KLKB1: variants seen among roughly 807,000 people sequenced by gnomAD.
KLKB1 encodes the protein plasma kallikrein.
Under a neutral mutation model 73.6 loss-of-function variants are expected in KLKB1, and 58 were observed. That is an observed-to-expected ratio of 0.79 (90% CI 0.64 to 0.98). The LOEUF (loss-of-function observed/expected upper bound fraction) is 0.98, where lower values mean the gene tolerates loss of function less well. KLKB1 is among the 50% of genes least tolerant of loss of function. The probability of loss-of-function intolerance (pLI) is 0.00; values close to 1 mark genes in which losing one functional copy is unlikely to be tolerated. For missense variants in KLKB1, 737 were observed against 763.8 expected, an observed-to-expected ratio of 0.96 and a Z score of 0.41; for synonymous variants, 280 against 258.1, an observed-to-expected ratio of 1.08 and a Z score of -0.81.
upstream of KLKB1, among the ~76,000 whole-genome samples, chr4:186,225,267 A>G (rs902547918): frequency 2.6e-5 from 4 of 152,004 alleles, no homozygotes; most frequent in Non-Finnish European, 4.4e-5. Flanking sequence ...CAGGTTTTGT[A>G]CTTTCAATAC....
Position 186,254,579 on chromosome 4 carries a change from C to A in KLKB1, c.1314-9C>A. ...CAGTTTCAAACAGGTATTTATTTTTCTCTCCTAGGCTTCCCCTGCAGGATG... is the reference window on the plus strand; with the variant it reads ...CAGTTTCAAACAGGTATTTATTTTTATCTCCTAGGCTTCCCCTGCAGGATG... On this transcript the variant is annotated splice_polypyrimidine_tract_variant and intron_variant, in intron 11 of 14. Transcript: ENST00000264690. 6.2e-7 allele frequency: 1 copy of A among 1,612,596 alleles called. No homozygotes were observed. The highest frequency in any genetic ancestry group is 2.2e-5 in the East Asian group (1 of 44,872).
At chr4:186,252,332 C>A in intron 11 of KLKB1, 147 bp downstream of exon 11, 1 of 875,092 alleles carries the variant, frequency 1.1e-6, no homozygotes, top group Non-Finnish European at 1.8e-6. Flanking sequence ...CTTATAGGGT[C>A]CAAGCACTGA....
chr4:186,223,656 A>G (rs1233369904), upstream of KLKB1, among the ~76,000 whole-genome samples: 1 of 152,226 alleles, frequency 6.6e-6, no homozygotes, highest in African/African-American at 2.4e-5. Context: ...GAAAGCATAC[A>G]GTCAAGTCAT....
chr4:186,252,365 G>A (rs1345283381), intron 11 of KLKB1, among the ~76,000 whole-genome samples, 180 bp downstream of exon 11: 1 of 152,154 alleles, frequency 6.6e-6, no homozygotes. Context: ...TTAGAACAGA[G>A]TGTGGTCTCT....
chr4:186,213,930 A>G (rs982471034), intron 2 of KLKB1, among the ~76,000 whole-genome samples: 1 of 152,172 alleles, frequency 6.6e-6, no homozygotes, highest in Non-Finnish European at 1.5e-5. Context: ...TTATCCTACA[A>G]TGAATTACCG....
chr4:186,253,579 A>T (rs1400323451), intron 11 of KLKB1, among the ~76,000 whole-genome samples: 2 of 152,140 alleles, frequency 1.3e-5, no homozygotes, highest in East Asian at 3.9e-4. Context: ...GAGATAATAG[A>T]CATAAAAGTG....
intron 2 of KLKB1, chr4:186,210,905 C>T (rs1290117967): frequency 1.1e-5 from 4 of 353,480 alleles, no homozygotes; most frequent in Non-Finnish European, 2.1e-5. Flanking sequence ...GGTGTGATCT[C>T]AGCTCACTGC....
intron 6 of KLKB1, among the ~76,000 whole-genome samples, chr4:186,245,034 T>C (rs373113565): frequency 4.0e-4 from 61 of 152,224 alleles, no homozygotes; most frequent in African/African-American, 1.4e-3. Context: ...GGTGTGGCTG[T>C]GGCCTAAGAA....
At chr4:186,216,767 G>C (rs991668515) in intron 2 of KLKB1, among the ~76,000 whole-genome samples, 1 of 152,136 alleles carries the variant, frequency 6.6e-6, no homozygotes, top group East Asian at 1.9e-4. Flanking sequence ...CAAAGCCAGC[G>C]CTGGAGCACT....
intron 6 of KLKB1, among the ~76,000 whole-genome samples, chr4:186,247,238 G>C (rs1738400725): frequency 6.6e-6 from 1 of 152,184 alleles, no homozygotes; most frequent in South Asian, 2.1e-4. Context: ...TCCATGCGAA[G>C]AGACCACCAA....
At chr4:186,235,143 G>A (rs1419767368) in intron 4 of KLKB1, among the ~76,000 whole-genome samples, 1 of 152,170 alleles carries the variant, frequency 6.6e-6, no homozygotes, top group African/African-American at 2.4e-5. Context: ...TGTAGTCTAC[G>A]TGAGGTGGAG....
At chr4:186,221,866 T>A (rs1207890998), upstream of KLKB1, among the ~76,000 whole-genome samples, 3 of 152,364 alleles carry the variant, frequency 2.0e-5, no homozygotes, top group South Asian at 6.2e-4. Context: ...AGGTGATCTA[T>A]TCATTGTTGA....
At chr4:186,245,521 C>A (rs1050780953) in intron 6 of KLKB1, among the ~76,000 whole-genome samples, 1 of 152,158 alleles carries the variant, frequency 6.6e-6, no homozygotes, top group Non-Finnish European at 1.5e-5. Flanking sequence ...TAGGAGGAAT[C>A]CCAGGCTGCG....
chr4:186,244,644 G>A (rs1389322600), intron 6 of KLKB1, among the ~76,000 whole-genome samples: 1 of 150,218 alleles, frequency 6.7e-6, no homozygotes, highest in Non-Finnish European at 1.5e-5. Flanking sequence ...ATTGAGGATA[G>A]GAGAGTATAT....
chr4:186,243,053 C>A (rs576677967), intron 6 of KLKB1, among the ~76,000 whole-genome samples: 26 of 152,188 alleles, frequency 1.7e-4, no homozygotes, highest in African/African-American at 6.0e-4. Context: ...GTGAAAGTGT[C>A]TACCCAGACC....
intron 6 of KLKB1, among the ~76,000 whole-genome samples, chr4:186,239,267 T>C (rs916030198): frequency 7.2e-6 from 1 of 138,068 alleles, no homozygotes; most frequent in African/African-American, 2.9e-5. Context: ...GATACTGTTA[T>C]AGTTATAGAA....
chr4:186,234,449 G>A (rs113499959), intron 4 of KLKB1, among the ~76,000 whole-genome samples: 474 of 152,236 alleles, frequency 3.1e-3, no homozygotes, highest in African/African-American at 0.011. Context: ...CTTCCACTGG[G>A]GACATTTGAC....
upstream of KLKB1, among the ~76,000 whole-genome samples, chr4:186,223,030 A>C (rs995022525): frequency 6.6e-6 from 1 of 152,102 alleles, no homozygotes; most frequent in African/African-American, 2.4e-5. Flanking sequence ...TGATGGTTTA[A>C]AAGTGGTGGT....
At chr4:186,234,241 T>C (rs965743097) in intron 4 of KLKB1, among the ~76,000 whole-genome samples, 183 bp downstream of exon 4, 1 of 152,224 alleles carries the variant, frequency 6.6e-6, no homozygotes, top group Non-Finnish European at 1.5e-5. Flanking sequence ...ATTGTCTTTA[T>C]AAATCAACAC....
Sources: allele counts gnomAD v4.1 joint callset (sites outside exome capture counted in the v4.1 genomes callset), GRCh38; gene constraint gnomAD v4.1.1; transcripts MANE v1.5; gene names NCBI Gene and HGNC (gene_info 2026-07-23, HGNC 2026-07-21).